The following PGPEP1L variants were observed in gnomAD, a reference collection of about 807,000 sequenced individuals.
The protein encoded by PGPEP1L is pyroglutamyl-peptidase 1-like protein.
PGPEP1L carries 7 observed loss-of-function variants against 6.0 expected under a neutral mutation model. The observed-to-expected ratio is 1.17, with a 90% CI of 0.66 to 2.19. PGPEP1L has a LOEUF of 2.19. PGPEP1L is among the 30% of genes most tolerant of loss of function. PGPEP1L has a pLI of 0.00. For synonymous variants in PGPEP1L, 103 were observed against 83.9 expected, an observed-to-expected ratio of 1.23 and a Z score of -1.24; for missense variants, 209 against 192.5, an observed-to-expected ratio of 1.09 and a Z score of -0.51.
At chr15:99,006,687 T>C (rs7496269) in intron 1 of PGPEP1L, among the ~76,000 whole-genome samples, 113,364 of 152,074 alleles carry the variant, frequency 0.75, 43,264 homozygotes, top group East Asian at 0.93. Context: ...ACGTGGTATA[T>C]GCCCATAGTC....
intron 2 of PGPEP1L, among the ~76,000 whole-genome samples, chr15:98,971,566 G>A (rs2017498320): frequency 1.3e-5 from 2 of 152,266 alleles, no homozygotes; most frequent in South Asian, 4.1e-4. Flanking sequence ...ACTGTACCCA[G>A]CAAAGCTATC....
At chr15:99,007,318 ACCT>A (rs1189624170) in intron 1 of PGPEP1L, 38 bp downstream of exon 1, 1 of 152,112 alleles carries the variant, frequency 6.6e-6, no homozygotes, top group African/African-American at 2.4e-5. Flanking sequence ...CTTGGTCTCT[ACCT>A]CCTCTGGTGA....
chr15:98,977,361 G>A (rs73465781), intron 2 of PGPEP1L, among the ~76,000 whole-genome samples: 10,729 of 152,218 alleles, frequency 0.07, 649 homozygotes, highest in African/African-American at 0.16. Flanking sequence ...ATTGTTTAGT[G>A]CCATAAATTT....
chr15:98,982,834 C>T (rs1388213954), intron 2 of PGPEP1L, among the ~76,000 whole-genome samples: 2 of 149,964 alleles, frequency 1.3e-5, no homozygotes, highest in Non-Finnish European at 3.0e-5. Context: ...CCTTAGCCTC[C>T]TGAGTAGCTG....
chr15:98,968,800 A>T (rs2017444624), intron 4 of PGPEP1L, 103 bp from the exon 5 acceptor site: 1 of 1,039,354 alleles, frequency 9.6e-7, no homozygotes, highest in Admixed American at 2.0e-5. Flanking sequence ...CTGAGGAGGG[A>T]GCACTGCCAC....
chr15:98,999,322 CATGAA>C (rs1425154267), intron 2 of PGPEP1L, among the ~76,000 whole-genome samples: 1 of 152,156 alleles, frequency 6.6e-6, no homozygotes, highest in Non-Finnish European at 1.5e-5. Flanking sequence ...CAAATAAGCA[CATGAA>C]AAGATGTTCA....
rs556261446 is a variant in PGPEP1L, at chr15:98,998,424, TGCGAG to T, written c.-142+7000_-142+7004del. On this transcript the variant is annotated intron_variant, in intron 2 of 4. Coordinates refer to ENST00000535714, the MANE Select transcript of PGPEP1L (RefSeq NM_001167902.2). ...ACATGGAGCTGACCCACTGCCAAGC[TGCGAG>T]GGCTTAAGAACATGTGTGCACAGAT... Among the ~76,000 whole-genome samples the T allele has an allele frequency of 3.0e-4, 45 of 152,320 alleles. No individual in the cohort carries two copies. In the South Asian group the frequency reaches 9.1e-3, roughly 31 times the overall value.
intron 2 of PGPEP1L, among the ~76,000 whole-genome samples, chr15:98,978,901 T>C (rs1300740452): frequency 6.6e-6 from 1 of 151,716 alleles, no homozygotes; most frequent in Non-Finnish European, 1.5e-5. Flanking sequence ...AGTTAATTTT[T>C]GTGTTTTTAG....
chr15:98,979,044 TA>T (rs894682659), intron 2 of PGPEP1L, among the ~76,000 whole-genome samples: 12 of 151,268 alleles, frequency 7.9e-5, no homozygotes, highest in African/African-American at 2.4e-4. Flanking sequence ...TATATATATA[TA>T]TATATTTTTA....
intron 1 of PGPEP1L, among the ~76,000 whole-genome samples, 151 bp downstream of exon 1, chr15:99,007,208 G>GA (rs2018086127): frequency 6.6e-6 from 1 of 152,062 alleles, no homozygotes; most frequent in Non-Finnish European, 1.5e-5. Context: ...TGAGAAGCTG[G>GA]GCCCACCTTG....
chr15:98,992,327 C>G (rs1282039573), intron 2 of PGPEP1L, among the ~76,000 whole-genome samples: 2 of 152,160 alleles, frequency 1.3e-5, no homozygotes, highest in Non-Finnish European at 1.5e-5. Flanking sequence ...AGAGCCAAAT[C>G]ATGAGTGAAC....
At position 99,001,182 on chromosome 15, in the gene PGPEP1L, C is replaced by T. The variant is rs74846637; in HGVS notation, c.-142+4247G>A. On this transcript the variant is annotated intron_variant, in intron 2 of 4. Transcript: ENST00000535714. Reference sequence around the variant, plus strand: ...CACGCCGCCTTTAAGAACTGTAACACTCACCACGAGAGTCCGCGGCTTCAT... The same window carrying T: ...CACGCCGCCTTTAAGAACTGTAACATTCACCACGAGAGTCCGCGGCTTCAT... 3,761 of 440,798 alleles carry T rather than the reference C, an allele frequency of 8.5e-3. 108 individuals carry two copies. The highest frequency in any genetic ancestry group is 0.066 in the African/African-American group (3,226 of 49,020). The allele number at this position is 440,798 out of a possible 1,614,324, so 27.3% of individuals were successfully genotyped here. A position where few individuals can be genotyped will look rare whatever the true frequency, so the allele number is the denominator to read the frequency against.
In PGPEP1L at chr15:98,969,580, G is replaced by C; in HGVS notation, c.54C>G (p.Gly18=). The part of the protein sequence containing the change: ...IILEQSGKNQ[G]YRDADIRSFW... ...AGCTGCGGATGTCGGCGTCCCGGTA[G>C]CCTTGGTTCTTGCCAGACTGTTCCA... The change falls in exon 4 of 5, where the codon GGC becomes GGG. Residue 18 remains glycine, a synonymous_variant. Transcript: ENST00000535714. 1 of 1,613,866 alleles carries C rather than the reference G, an allele frequency of 6.2e-7. No individual in the cohort carries two copies.
rs1034614124 is a variant in PGPEP1L at position 98,985,509 on chromosome 15, G to C, written c.-141-14351C>G. ...GCCAAGATGGTGCCACTGCACTCCA[G>C]CCTGGGCAACAGAACAAGACTCCAT... On this transcript the variant is annotated intron_variant, in intron 2 of 4. Coordinates refer to ENST00000535714, the MANE Select transcript of PGPEP1L (RefSeq NM_001167902.2). 1.5e-4 allele frequency among the ~76,000 whole-genome samples: 23 copies of C among 152,334 alleles called. No homozygotes were observed. The South Asian group carries it at 3.7e-3, about 25-fold the overall frequency.
In PGPEP1L at chr15:98,982,700, C is replaced by CTTTTTTTTTTTTTTTT. The variant is rs369749842; in HGVS notation, c.-141-11558_-141-11543dup. ...TCACTCTGGTTATTTTTATCTGAGG[C>CTTTTTTTTTTTTTTTT]TTTTTTTTTTTTTTTTTTTTTTTTT... On this transcript the variant is annotated intron_variant, in intron 2 of 4. Coordinates refer to ENST00000535714, the MANE Select transcript of PGPEP1L (RefSeq NM_001167902.2). Among the ~76,000 whole-genome samples, 68 of 52,498 alleles carry CTTTTTTTTTTTTTTTT rather than the reference C, an allele frequency of 1.3e-3. 12 individuals are homozygous for CTTTTTTTTTTTTTTTT. Among genetic ancestry groups the CTTTTTTTTTTTTTTTT allele is most frequent in the Non-Finnish European group, 2.5e-3 (59 of 23,882 alleles). 34.4% of individuals were successfully genotyped at this position (52,498 alleles called of 152,430 possible).
rs533482619 is a variant in PGPEP1L at position 98,999,019 on chromosome 15, C to A, written c.-142+6410G>T. Among the ~76,000 whole-genome samples the A allele has an allele frequency of 2.2e-4, 34 of 152,186 alleles. 1 individual carries two copies. Among genetic ancestry groups the A allele is most frequent in the African/African-American group, 6.0e-4 (25 of 41,510 alleles). ...AGTTTTTTGGGGGGAAGGAGAAAAT[C>A]TTAGGCTTTAAGGCTAGGCAAAGAG... On this transcript the variant is annotated intron_variant, in intron 2 of 4. Transcript: ENST00000535714.
rs369749842 is a variant in PGPEP1L, at chr15:98,982,700, C to CTTTTTTTTTTTTTT, written c.-141-11556_-141-11543dup. Among the ~76,000 whole-genome samples the CTTTTTTTTTTTTTT allele has an allele frequency of 2.9e-3, 151 of 52,496 alleles. 25 individuals carry two copies. The highest frequency in any genetic ancestry group is 0.016 in the Middle Eastern group (1 of 64). 34.4% of individuals were successfully genotyped at this position (52,496 alleles called of 152,430 possible). ...TCACTCTGGTTATTTTTATCTGAGG[C>CTTTTTTTTTTTTTT]TTTTTTTTTTTTTTTTTTTTTTTTT... On this transcript the variant is annotated intron_variant, in intron 2 of 4. Transcript: ENST00000535714.
chr15:99,005,153 G>C (rs1279259545), intron 2 of PGPEP1L, among the ~76,000 whole-genome samples: 2 of 152,200 alleles, frequency 1.3e-5, no homozygotes, highest in Non-Finnish European at 2.9e-5. Context: ...TGAAAGGCAA[G>C]GTCTGAGCCT....
intron 2 of PGPEP1L, among the ~76,000 whole-genome samples, chr15:98,989,180 C>A (rs2017787275): frequency 6.6e-6 from 1 of 152,148 alleles, no homozygotes; most frequent in African/African-American, 2.4e-5. Context: ...TAATAACAAA[C>A]TCCTCTGAGC....
Sources: gnomAD v4.1 joint callset for allele counts (sites outside exome capture counted in the v4.1 genomes callset) on GRCh38, gnomAD v4.1.1 for gene constraint, MANE v1.5 for transcripts, NCBI Gene and HGNC (gene_info 2026-07-23, HGNC 2026-07-21) for gene names.